The following FBXL17 variants were observed in gnomAD, a reference collection of about 807,000 sequenced individuals.
FBXL17 encodes F-box and leucine rich repeat protein 17, also known as F-box/LRR-repeat protein 17.
In FBXL17, 22 loss-of-function variants were observed where a neutral mutation model predicts 66.2. The ratio of observed to expected loss-of-function variants is 0.33; its 90% CI spans 0.24 to 0.47. The LOEUF (loss-of-function observed/expected upper bound fraction) is 0.47. Among genes scored for constraint, FBXL17 ranks in the 20% least tolerant of loss-of-function variants. The pLI is 1.00. For synonymous variants in FBXL17, 474 were observed against 400.5 expected (o/e 1.18, Z -2.19); for missense variants, 878 against 948.2 (o/e 0.93, Z 0.97).
intron 7 of FBXL17, among the ~76,000 whole-genome samples, chr5:107,890,291 A>G (rs564941844): frequency 6.6e-6 from 1 of 151,782 alleles, no homozygotes; most frequent in East Asian, 1.9e-4. Flanking sequence ...GCCTTGTCCA[A>G]CTCCCTAAAC....
At chr5:108,249,228 C>G (rs1319945600) in intron 4 of FBXL17, among the ~76,000 whole-genome samples, 1 of 152,044 alleles carries the variant, frequency 6.6e-6, no homozygotes, top group African/African-American at 2.4e-5. Context: ...TCTGACCCTG[C>G]AACCACCATG....
intron 6 of FBXL17, among the ~76,000 whole-genome samples, chr5:108,119,671 A>G (rs1370443124): frequency 1.3e-5 from 2 of 152,250 alleles, no homozygotes; most frequent in Non-Finnish European, 2.9e-5. Context: ...TTAGCTGTAT[A>G]GTAACTTGTT....
intron 4 of FBXL17, among the ~76,000 whole-genome samples, chr5:108,279,619 C>T (rs948726956): frequency 6.7e-6 from 1 of 148,468 alleles, no homozygotes; most frequent in Non-Finnish European, 1.5e-5. Flanking sequence ...TAGATCTTAA[C>T]CAAAAAGAAA....
At chr5:108,142,884 G>A (rs1751406065) in intron 6 of FBXL17, among the ~76,000 whole-genome samples, 1 of 151,960 alleles carries the variant, frequency 6.6e-6, no homozygotes, top group South Asian at 2.1e-4. Context: ...ACCTAATGTA[G>A]ATGACGGGTT....
intron 7 of FBXL17, among the ~76,000 whole-genome samples, chr5:107,913,583 T>C (rs982826714): frequency 2.0e-5 from 3 of 152,174 alleles, no homozygotes; most frequent in South Asian, 2.1e-4. Flanking sequence ...CTGAGAATTT[T>C]TGAACTTTAA....
At chr5:108,026,627 T>C (rs1380289741) in intron 6 of FBXL17, among the ~76,000 whole-genome samples, 1 of 152,192 alleles carries the variant, frequency 6.6e-6, no homozygotes, top group East Asian at 1.9e-4. Flanking sequence ...AGGAGTGACA[T>C]GCAAAATATC....
chr5:107,958,784 G>A (rs1036153563), intron 7 of FBXL17, among the ~76,000 whole-genome samples: 1 of 152,112 alleles, frequency 6.6e-6, no homozygotes, highest in Non-Finnish European at 1.5e-5. Context: ...GCAGACCTGT[G>A]CTTTCTCAGA....
At chr5:108,053,803 C>T (rs746226272) in intron 6 of FBXL17, among the ~76,000 whole-genome samples, 1 of 152,172 alleles carries the variant, frequency 6.6e-6, no homozygotes, top group African/African-American at 2.4e-5. Flanking sequence ...TATAAAGGTA[C>T]ATGCACATGT....
At chr5:108,045,542 G>A (rs1747222652) in intron 6 of FBXL17, among the ~76,000 whole-genome samples, 1 of 152,032 alleles carries the variant, frequency 6.6e-6, no homozygotes, top group South Asian at 2.1e-4. Context: ...TAGAAGCTTA[G>A]CTTTTTGATT....
At chr5:108,350,378 G>C (rs1015033764) in intron 3 of FBXL17, among the ~76,000 whole-genome samples, 48 of 152,176 alleles carry the variant, frequency 3.2e-4, no homozygotes, top group Non-Finnish European at 8.8e-5. Flanking sequence ...GAGAACCAAA[G>C]CACAATGCTG....
intron 8 of FBXL17, among the ~76,000 whole-genome samples, chr5:107,872,086 A>T (rs1748475896): frequency 6.6e-6 from 1 of 152,226 alleles, no homozygotes; most frequent in Non-Finnish European, 1.5e-5. Context: ...TCCTAAGACA[A>T]ATTTATGATC....
At chr5:108,273,821 T>C (rs889300976) in intron 4 of FBXL17, among the ~76,000 whole-genome samples, 1 of 152,038 alleles carries the variant, frequency 6.6e-6, no homozygotes, top group Non-Finnish European at 1.5e-5. Flanking sequence ...CATAGCTTGC[T>C]GTTTTCATTA....
chr5:107,932,411 T>C (rs533150930), intron 7 of FBXL17, among the ~76,000 whole-genome samples: 1 of 152,192 alleles, frequency 6.6e-6, no homozygotes, highest in Non-Finnish European at 1.5e-5. Flanking sequence ...GATATTTTAA[T>C]GACCTCCATG....
intron 6 of FBXL17, among the ~76,000 whole-genome samples, chr5:108,068,689 C>A (rs1312143754): frequency 6.6e-6 from 1 of 152,074 alleles, no homozygotes; most frequent in East Asian, 1.9e-4. Context: ...GATCTCCTGA[C>A]CTCGTGATCC....
rs1580715551 is a variant in FBXL17, at chr5:107,923,559, C to T, written c.1823-42380G>A. ...ATCTTCTCAAGCCCTGCACTTAGTG[C>T]TCCTTTTCAGAAAACCCATGGTCAA... On this transcript the variant is annotated intron_variant, in intron 7 of 8. Coordinates refer to ENST00000542267, the MANE Select transcript of FBXL17 (RefSeq NM_001163315.3). 2.6e-5 allele frequency among the ~76,000 whole-genome samples: 4 copies of T among 152,164 alleles called. No homozygotes were observed. The South Asian group carries it at 8.3e-4, about 31-fold the overall frequency.
intron 6 of FBXL17, among the ~76,000 whole-genome samples, chr5:108,144,132 C>T (rs1302177187): frequency 6.6e-6 from 1 of 152,114 alleles, no homozygotes; most frequent in African/African-American, 2.4e-5. Flanking sequence ...CTTAGACCAA[C>T]TTAAAAAGAA....
rs552897473 is a variant in FBXL17 at position 108,261,598 on chromosome 5, C to T, written c.1507-37370G>A. Among the ~76,000 whole-genome samples the T allele has an allele frequency of 3.9e-5, 6 of 152,000 alleles. No homozygotes were observed. In the East Asian group the frequency reaches 7.7e-4, roughly 20 times the overall value. ...ATAGAAATGCTTTAGGCATACAAGGCCACAGAAGGTTTGCCCATAAAGACC... is the reference window on the plus strand; with the variant it reads ...ATAGAAATGCTTTAGGCATACAAGGTCACAGAAGGTTTGCCCATAAAGACC... On this transcript the variant is annotated intron_variant, in intron 4 of 8. Coordinates refer to ENST00000542267, the MANE Select transcript of FBXL17 (RefSeq NM_001163315.3).
intron 6 of FBXL17, among the ~76,000 whole-genome samples, chr5:108,024,917 C>T (rs965358884): frequency 1.3e-5 from 2 of 151,636 alleles, no homozygotes; most frequent in African/African-American, 2.4e-5. Context: ...GCAATAGATT[C>T]GTAATCATAT....
intron 6 of FBXL17, among the ~76,000 whole-genome samples, chr5:108,062,043 A>G (rs1345685805): frequency 6.6e-6 from 1 of 152,082 alleles, no homozygotes; most frequent in Non-Finnish European, 1.5e-5. Flanking sequence ...TATAACAGAG[A>G]AGAGAGAAGC....
Sources: gnomAD v4.1 joint callset for allele counts (sites outside exome capture counted in the v4.1 genomes callset) on GRCh38, gnomAD v4.1.1 for gene constraint, MANE v1.5 for transcripts, NCBI Gene and HGNC (gene_info 2026-07-23, HGNC 2026-07-21) for gene names.